Variants in LDLRAD4 observed in about 807,000 individuals in gnomAD.
LDLRAD4 encodes low-density lipoprotein receptor class A domain-containing protein 4.
In LDLRAD4, 5 loss-of-function variants were observed where a neutral mutation model predicts 17.0. The ratio of observed to expected loss-of-function variants is 0.29; its 90% CI spans 0.15 to 0.62. The LOEUF (loss-of-function observed/expected upper bound fraction) is 0.62, where lower values mean the gene tolerates loss of function less well. Among genes scored for constraint, LDLRAD4 ranks in the 20% least tolerant of loss-of-function variants. The pLI is 0.84. For synonymous variants in LDLRAD4, 168 were observed against 171.8 expected, an observed-to-expected ratio of 0.98 and a Z score of 0.17; for missense variants, 340 against 424.7, an observed-to-expected ratio of 0.80 and a Z score of 1.75.
At chr18:13,479,424 C>T (rs373840615) in intron 3 of LDLRAD4, among the ~76,000 whole-genome samples, 3 of 152,168 alleles carry the variant, frequency 2.0e-5, no homozygotes, top group East Asian at 3.9e-4. Context: ...GGTTGGAGAC[C>T]AGCCTGGCCA....
chr18:13,405,639 T>A (rs1359908994), intron 2 of LDLRAD4, among the ~76,000 whole-genome samples: 1 of 150,634 alleles, frequency 6.6e-6, no homozygotes, highest in Non-Finnish European at 1.5e-5. Context: ...AGTCTCGCTG[T>A]ATTGCCCAAG....
In LDLRAD4 at chr18:13,527,884, C is replaced by T. The variant is rs555294253; in HGVS notation, c.181+89500C>T. On this transcript the variant is annotated intron_variant, in intron 3 of 5. Transcript: ENST00000359446. ...CCGGGCTGCCACTCCTGCAGCACCC[C>T]CTGCTTCCCTCGCCATGGACACCCA... 1.8e-4 allele frequency among the ~76,000 whole-genome samples: 28 copies of T among 152,284 alleles called. No homozygotes were observed. In the South Asian group the frequency reaches 5.8e-3, roughly 32 times the overall value.
At chr18:13,590,495 A>G (rs1384560790) in intron 3 of LDLRAD4, among the ~76,000 whole-genome samples, 1 of 152,186 alleles carries the variant, frequency 6.6e-6, no homozygotes, top group Non-Finnish European at 1.5e-5. Flanking sequence ...ACTGTTCAGA[A>G]TGTACACGGC....
intron 3 of LDLRAD4, among the ~76,000 whole-genome samples, chr18:13,609,836 G>T (rs1398981053): frequency 6.6e-6 from 1 of 152,110 alleles, no homozygotes; most frequent in African/African-American, 2.4e-5. Flanking sequence ...ACAAAAATTA[G>T]CCCGGCATGT....
At chr18:13,484,738 C>A (rs1033024988) in intron 3 of LDLRAD4, among the ~76,000 whole-genome samples, 1 of 152,134 alleles carries the variant, frequency 6.6e-6, no homozygotes, top group African/African-American at 2.4e-5. Flanking sequence ...GAGAGACAGG[C>A]ACTAATGCAC....
intron 3 of LDLRAD4, among the ~76,000 whole-genome samples, chr18:13,549,758 T>C (rs944817080): frequency 2.0e-5 from 3 of 152,104 alleles, no homozygotes; most frequent in African/African-American, 4.8e-5. Flanking sequence ...AGCCTTATTT[T>C]AGTCTGTCCA....
At chr18:13,423,140 C>G (rs1278507234) in intron 2 of LDLRAD4, among the ~76,000 whole-genome samples, 1 of 152,182 alleles carries the variant, frequency 6.6e-6, no homozygotes, top group Non-Finnish European at 1.5e-5. Flanking sequence ...CTAGAAAACT[C>G]TGAACATTTT....
chr18:13,553,330 G>C (rs949667668), intron 3 of LDLRAD4, among the ~76,000 whole-genome samples: 3 of 152,128 alleles, frequency 2.0e-5, no homozygotes, highest in Non-Finnish European at 4.4e-5. Context: ...GGTTGTGGCT[G>C]GGTTTACAGT....
At position 13,433,090 on chromosome 18, in the gene LDLRAD4, CATT is replaced by C. The variant is rs142327299; in HGVS notation, c.41-5153_41-5151del. 7.6e-3 allele frequency among the ~76,000 whole-genome samples: 1,156 copies of C among 152,306 alleles called. 21 individuals carry two copies. Among genetic ancestry groups the C allele is most frequent in the African/African-American group, 0.026 (1,071 of 41,556 alleles). On this transcript the variant is annotated intron_variant, in intron 2 of 5. Transcript: ENST00000359446. ...GCAGTGAGTATATAAATTAATAAAA[CATT>C]GTTGTCACCTCTGTACTAGGAAATG... is the stretch of plus-strand genomic sequence containing the variant.
intron 3 of LDLRAD4, among the ~76,000 whole-genome samples, chr18:13,494,774 C>T (rs530608297): frequency 2.7e-5 from 4 of 148,362 alleles, no homozygotes; most frequent in South Asian, 4.2e-4. Context: ...GTGCCCCTAG[C>T]GCCTCCCAGG....
chr18:13,498,053 C>T (rs1240890852), intron 3 of LDLRAD4, among the ~76,000 whole-genome samples: 6 of 137,420 alleles, frequency 4.4e-5, no homozygotes, highest in South Asian at 2.4e-4. Context: ...CCGCCATGGA[C>T]ACTGGAGAAT....
intron 3 of LDLRAD4, among the ~76,000 whole-genome samples, chr18:13,441,305 A>C (rs2091007038): frequency 6.6e-6 from 1 of 151,946 alleles, no homozygotes; most frequent in African/African-American, 2.4e-5. Flanking sequence ...CCCGTTTCCT[A>C]CAGCAGGCAG....
At chr18:13,379,452 G>C (rs891712984) in intron 1 of LDLRAD4, among the ~76,000 whole-genome samples, 18 of 152,324 alleles carry the variant, frequency 1.2e-4, no homozygotes, top group Middle Eastern at 3.4e-3. Context: ...AGTCCCCATG[G>C]TCAATGCCAA....
Position 13,536,024 on chromosome 18 carries a change from T to A in LDLRAD4, c.182-85093T>A, listed in dbSNP as rs144249815. On this transcript the variant is annotated intron_variant, in intron 3 of 5. Coordinates refer to ENST00000359446, the Ensembl canonical transcript of LDLRAD4. The stretch of plus-strand genomic sequence containing the variant: ...CCATTGATCTGTAGGTCTATCTGTA[T>A]ACCAATATCATTGTCTCTTGATTAC... 3.4e-4 allele frequency among the ~76,000 whole-genome samples: 52 copies of A among 152,318 alleles called. No homozygotes were observed. In the East Asian group the frequency reaches 4.8e-3, roughly 14 times the overall value.
intron 1 of LDLRAD4, among the ~76,000 whole-genome samples, chr18:13,290,598 T>C (rs2045909483): frequency 6.6e-6 from 1 of 152,228 alleles, no homozygotes; most frequent in Non-Finnish European, 1.5e-5. Flanking sequence ...TAGGCATTTT[T>C]TGGCACCTGC....
At chr18:13,642,558 A>G in intron 4 of LDLRAD4, 1 of 1,228,244 alleles carries the variant, frequency 8.1e-7, no homozygotes, top group Non-Finnish European at 1.0e-6. Flanking sequence ...TGGAGAAGAC[A>G]CTCGCTGGAG....
intron 3 of LDLRAD4, among the ~76,000 whole-genome samples, chr18:13,464,423 T>C (rs2092547101): frequency 6.6e-6 from 1 of 152,256 alleles, no homozygotes; most frequent in African/African-American, 2.4e-5. Context: ...CATATTTTCA[T>C]TTCTGTACCT....
At chr18:13,606,156 A>G (rs985873635) in intron 3 of LDLRAD4, among the ~76,000 whole-genome samples, 9 of 152,166 alleles carry the variant, frequency 5.9e-5, no homozygotes, top group Admixed American at 5.2e-4. Flanking sequence ...GTTGGAACCC[A>G]ACGTTGGTTC....
At position 13,612,390 on chromosome 18, in the gene LDLRAD4, G is replaced by A. The variant is rs2039655369; in HGVS notation, c.182-8727G>A. On this transcript the variant is annotated intron_variant, in intron 3 of 5. Coordinates refer to ENST00000359446, the Ensembl canonical transcript of LDLRAD4. ...GACTTATTCTCTGCTCGGTGACACG[G>A]CCGGCTTCCTGCCGCAGAGCTCCTG... is the stretch of plus-strand genomic sequence containing the variant. The A allele has an allele frequency of 5.9e-6, 7 of 1,192,184 alleles. 1 individual carries two copies. In the South Asian group the frequency reaches 1.1e-4, roughly 19 times the overall value. 73.9% of individuals were successfully genotyped at this position (1,192,184 alleles called of 1,614,324 possible).
Sources: allele counts gnomAD v4.1 joint callset (sites outside exome capture counted in the v4.1 genomes callset), GRCh38; gene constraint gnomAD v4.1.1; transcripts MANE v1.5; gene names NCBI Gene and HGNC (gene_info 2026-07-23, HGNC 2026-07-21).